The following DST variants were observed in gnomAD, a reference collection of about 807,000 sequenced individuals.
The protein encoded by DST is bullous pemphigoid antigen.
In DST, 253 loss-of-function variants were observed where a neutral mutation model predicts 875.2. The ratio of observed to expected loss-of-function variants is 0.29; its 90% CI spans 0.26 to 0.32. The LOEUF is 0.32. Among genes scored for constraint, DST ranks in the 10% least tolerant of loss-of-function variants. The pLI, the probability that DST is intolerant of heterozygous loss-of-function variation, is 1.00. For synonymous variants in DST, 3,124 were observed against 3,197.1 expected (o/e 0.98, Z 0.77); for missense variants, 8,287 against 9,111.6 (o/e 0.91, Z 3.68).
At chr6:56,776,695 T>A (rs900974661) in intron 4 of DST, among the ~76,000 whole-genome samples, 1 of 151,962 alleles carries the variant, frequency 6.6e-6, no homozygotes, top group Non-Finnish European at 1.5e-5. Flanking sequence ...CTTTCAAGAG[T>A]GAAAAAGAGG....
rs2095238091 is a variant in DST, at chr6:56,477,224, G to A, written c.21675+121C>T. 5.5e-6 allele frequency: 6 copies of A among 1,085,476 alleles called. No homozygotes were observed. The African/African-American group carries it at 6.3e-5, about 11-fold the overall frequency. The allele number at this position is 1,085,476 out of a possible 1,614,324, so 67.2% of individuals were successfully genotyped here. On this transcript the variant is annotated intron_variant, in intron 91 of 103. Coordinates refer to ENST00000680361, the MANE Select transcript of DST (RefSeq NM_001374736.1). Reference sequence around the variant, plus strand: ...ATACAAGAAGCGTATTTAAAAGAACGTTTTCTATGTAGAGGTCTCATTTTC... The same window carrying A: ...ATACAAGAAGCGTATTTAAAAGAACATTTTCTATGTAGAGGTCTCATTTTC...
intron 86 of DST, 35 bp downstream of exon 86, chr6:56,489,455 A>G: frequency 6.3e-7 from 1 of 1,592,800 alleles, no homozygotes; most frequent in Non-Finnish European, 8.5e-7. Flanking sequence ...GAACTATATA[A>G]TGAGACAATA....
At chr6:56,577,934 T>C (rs2097900059) in intron 50 of DST, among the ~76,000 whole-genome samples, 1 of 152,128 alleles carries the variant, frequency 6.6e-6, no homozygotes. Flanking sequence ...CTCTTGGGCT[T>C]AAATGATCCT....
intron 3 of DST, among the ~76,000 whole-genome samples, chr6:56,872,635 T>A (rs1335563069): frequency 6.6e-6 from 1 of 152,198 alleles, no homozygotes; most frequent in African/African-American, 2.4e-5. Flanking sequence ...TTCAGAATGA[T>A]GGTTATCTTG....
intron 57 of DST, among the ~76,000 whole-genome samples, chr6:56,560,942 G>T (rs1382401992): frequency 6.6e-6 from 1 of 151,976 alleles, no homozygotes; most frequent in African/African-American, 2.4e-5. Context: ...TTAAAGAAAA[G>T]GAAGGTATTA....
intron 55 of DST, among the ~76,000 whole-genome samples, chr6:56,567,447 A>AC (rs1252863475): frequency 4.0e-5 from 6 of 151,592 alleles, no homozygotes; most frequent in Non-Finnish European, 8.8e-5. Flanking sequence ...AAAAAAAAAA[A>AC]ATCCCAAAGC....
chr6:56,908,194 T>C lies in DST; in HGVS notation c.217-7573A>G, dbSNP rs190411575. Among the ~76,000 whole-genome samples, 9 of 152,260 alleles carry C rather than the reference T, an allele frequency of 5.9e-5. No homozygotes were observed. The East Asian group carries it at 1.7e-3, about 29-fold the overall frequency. On this transcript the variant is annotated intron_variant, in intron 2 of 103. Coordinates refer to ENST00000680361, the MANE Select transcript of DST (RefSeq NM_001374736.1). ...ATAAATTTACCATATGTAAATATTA[T>C]AAAGCTCAATAAGCTGCTACTTATA...
intron 54 of DST, 146 bp from the exon 55 acceptor site, chr6:56,568,741 T>C: frequency 1.4e-6 from 1 of 697,228 alleles, no homozygotes; most frequent in Non-Finnish European, 2.3e-6. Flanking sequence ...GGCACCTATT[T>C]GTTCCCACAG....
intron 97 of DST, among the ~76,000 whole-genome samples, chr6:56,469,336 T>C (rs2094761192): frequency 6.6e-6 from 1 of 150,988 alleles, no homozygotes; most frequent in African/African-American, 2.4e-5. Context: ...CTACTACATA[T>C]AAGAGATGTT....
At chr6:56,737,111 T>C (rs2099528084) in intron 4 of DST, among the ~76,000 whole-genome samples, 1 of 152,216 alleles carries the variant, frequency 6.6e-6, no homozygotes, top group Non-Finnish European at 1.5e-5. Flanking sequence ...GGCAAGTCAT[T>C]TGAGCCCAGG....
In DST at chr6:56,639,550, G is replaced by C; in HGVS notation, c.2759C>G (p.Thr920Ser). The C allele has an allele frequency of 6.2e-7, 1 of 1,613,690 alleles. No individual in the cohort carries two copies. Among genetic ancestry groups the C allele is most frequent in the South Asian group, 1.1e-5 (1 of 91,070 alleles). ...TTCATTCAACCAAATAAGTTCATTA[G>C]TCGCACGACTTACAAAATTATGGAG... ...DTLHNFVSRA[T>S]NELIWLNEKE... Residue 920 changes from threonine (T) to serine (S), a missense_variant, in exon 21 of 104, where the codon ACT becomes AGT. Around this residue, in one of 10 missense-constraint regions of DST, gnomAD observed 1,160 missense variants for 1,424.3 expected, o/e 0.81. Coordinates refer to ENST00000680361, the MANE Select transcript of DST (RefSeq NM_001374736.1).
intron 4 of DST, among the ~76,000 whole-genome samples, chr6:56,743,919 T>C (rs989385576): frequency 6.6e-6 from 1 of 152,122 alleles, no homozygotes; most frequent in African/African-American, 2.4e-5. Context: ...TTTGGGAGGC[T>C]GAGGCAGGTG....
rs1215854906 is a variant in DST, at chr6:56,517,297, G to A, written c.18258C>T (p.Thr6086=). ...SAQLQVQKTF[T]MEILRHKDII... ...TATCCTTGTGTCTCAAAATCTCCAT[G>A]GTGAATGTCTGTGATTTACCAAAAT... The change falls in exon 71 of 104, where the codon ACC becomes ACT. Residue 6086 remains threonine, a synonymous_variant. Coordinates refer to ENST00000680361, the MANE Select transcript of DST (RefSeq NM_001374736.1). 1 of 1,610,990 alleles carries A rather than the reference G, an allele frequency of 6.2e-7. No individual in the cohort carries two copies.
intron 72 of DST, among the ~76,000 whole-genome samples, chr6:56,514,503 T>C (rs2096548586): frequency 6.6e-6 from 1 of 151,760 alleles, no homozygotes; most frequent in Admixed American, 6.6e-5. Context: ...AATGATGTAA[T>C]AAACCCTGAA....
In DST at chr6:56,478,496, T is replaced by C. The variant is rs76887233; in HGVS notation, c.21532-1008A>G. Among the ~76,000 whole-genome samples the C allele has an allele frequency of 4.5e-3, 679 of 152,336 alleles. 3 individuals carry two copies. The highest frequency in any genetic ancestry group is 0.016 in the African/African-American group (652 of 41,576). ...GCCTTGACATCCTCAAGGATGATCT[T>C]TCAAATAAATGTTTTACAAATGTCT... On this transcript the variant is annotated intron_variant, in intron 90 of 103. Coordinates refer to ENST00000680361, the MANE Select transcript of DST (RefSeq NM_001374736.1).
At chr6:56,872,815 C>A (rs1777842268) in intron 3 of DST, among the ~76,000 whole-genome samples, 3 of 137,868 alleles carry the variant, frequency 2.2e-5, no homozygotes, top group South Asian at 2.2e-4. Flanking sequence ...CTCTTCAATA[C>A]ACTGATTCCC....
At chr6:56,852,042 G>T (rs1765558321) in intron 3 of DST, 5 of 1,424,316 alleles carry the variant, frequency 3.5e-6, no homozygotes, top group Admixed American at 2.9e-5. Context: ...TCGAAGTTTC[G>T]AAAACAAAGC....
intron 49 of DST, among the ~76,000 whole-genome samples, chr6:56,589,518 C>A (rs946205813): frequency 4.4e-4 from 67 of 152,286 alleles, no homozygotes; most frequent in Admixed American, 4.3e-3. Flanking sequence ...CAGAAGACAG[C>A]GAAGTCTATA....
chr6:56,635,812 T>C, intron 23 of DST, 98 bp from the exon 24 acceptor site: 1 of 1,286,470 alleles, frequency 7.8e-7, no homozygotes, highest in Non-Finnish European at 1.1e-6. Context: ...GTACCCCTCA[T>C]AAGTGAGAAG....
Sources: allele counts gnomAD v4.1 joint callset (sites outside exome capture counted in the v4.1 genomes callset), GRCh38; gene constraint gnomAD v4.1.1; regional missense constraint gnomAD v4.1.1; transcripts MANE v1.5; gene names NCBI Gene and HGNC (gene_info 2026-07-23, HGNC 2026-07-21).